Variants in ENOX1 observed in about 807,000 individuals in gnomAD.
The protein encoded by ENOX1 is candidate growth-related and time keeping constitutive hydroquinone (NADH) oxidase.
Under a neutral mutation model 82.5 loss-of-function variants are expected in ENOX1, and 42 were observed. The observed-to-expected ratio is 0.51, with a 90% confidence interval of 0.40 to 0.66. The LOEUF is 0.66. ENOX1 is among the 30% of genes least tolerant of loss of function. The pLI, the probability that ENOX1 is intolerant of heterozygous loss-of-function variation, is 0.00. For missense variants in ENOX1, 608 were observed against 811.6 expected, an observed-to-expected ratio of 0.75 and a Z score of 3.05; for synonymous variants, 271 against 282.2, an observed-to-expected ratio of 0.96 and a Z score of 0.40.
At chr13:43,753,838 A>C (rs1475050625) in intron 1 of ENOX1, among the ~76,000 whole-genome samples, 1 of 152,158 alleles carries the variant, frequency 6.6e-6, no homozygotes, top group Non-Finnish European at 1.5e-5. Flanking sequence ...GGGGCCTATT[A>C]AGAGTAATAC....
intron 1 of ENOX1, among the ~76,000 whole-genome samples, chr13:43,762,599 G>A (rs1951047187): frequency 6.6e-6 from 1 of 152,184 alleles, no homozygotes; most frequent in South Asian, 2.1e-4. Flanking sequence ...TCCAGTAAAT[G>A]TAAGCCAGTG....
At chr13:43,314,147 T>G (rs993553204) in intron 11 of ENOX1, among the ~76,000 whole-genome samples, 1 of 152,226 alleles carries the variant, frequency 6.6e-6, no homozygotes, top group African/African-American at 2.4e-5. Flanking sequence ...TCACACATTG[T>G]GTCCTGGAAC....
At chr13:43,493,130 TTCTC>T (rs147517109) in intron 2 of ENOX1, among the ~76,000 whole-genome samples, 3 of 149,584 alleles carry the variant, frequency 2.0e-5, no homozygotes, top group South Asian at 2.1e-4. Flanking sequence ...TATCTTAAGA[TTCTC>T]TCTCTCTCTC....
intron 2 of ENOX1, among the ~76,000 whole-genome samples, chr13:43,600,166 G>C (rs1469166075): frequency 6.6e-6 from 1 of 152,182 alleles, no homozygotes; most frequent in African/African-American, 2.4e-5. Context: ...AGGAGACTTT[G>C]TCTTACAGTT....
chr13:43,728,702 G>A (rs1024466267), intron 1 of ENOX1, among the ~76,000 whole-genome samples: 1 of 152,220 alleles, frequency 6.6e-6, no homozygotes, highest in Non-Finnish European at 1.5e-5. Flanking sequence ...AGATGCACTG[G>A]GAATTTCTAA....
intron 9 of ENOX1, among the ~76,000 whole-genome samples, chr13:43,332,234 G>A (rs1032626867): frequency 6.6e-6 from 1 of 152,124 alleles, no homozygotes; most frequent in African/African-American, 2.4e-5. Flanking sequence ...CAGGGGGTTG[G>A]GGATGGTTTG....
rs2054156727 is a variant in ENOX1, at chr13:43,411,968, C to T, written c.156G>A (p.Met52Ile). ...VTDPTAWATA[M>I]NNLGMVPVGL... is the part of the protein sequence containing the mutation. ...CTACGGGAACCATGCCCAGGTTATT[C>T]ATGGCTGTAGCCCAGGCTGTGGGAT... The change falls in exon 5 of 17, where the codon ATG becomes ATA. Residue 52 changes from methionine (M) to isoleucine (I), a missense_variant. Physicochemically the swap from Met to Ile is conservative, Grantham distance 10. Coordinates refer to ENST00000690772, the MANE Select transcript of ENOX1 (RefSeq NM_001347969.2). 6.2e-7 allele frequency: 1 copy of T among 1,614,082 alleles called. No individual in the cohort carries two copies. Among genetic ancestry groups the T allele is most frequent in the Admixed American group, 1.7e-5 (1 of 60,006 alleles).
chr13:43,284,458 T>C (rs2153493862), intron 12 of ENOX1, among the ~76,000 whole-genome samples: 1 of 152,258 alleles, frequency 6.6e-6, no homozygotes, highest in South Asian at 2.1e-4. Flanking sequence ...ATTCCAAAGC[T>C]GGCCAACGAA....
At chr13:43,549,982 G>T (rs1453468392) in intron 2 of ENOX1, among the ~76,000 whole-genome samples, 1 of 152,140 alleles carries the variant, frequency 6.6e-6, no homozygotes, top group East Asian at 1.9e-4. Context: ...GGCAGCAGGG[G>T]GATGGTTTTG....
chr13:43,506,239 T>C (rs1170983331), intron 2 of ENOX1, among the ~76,000 whole-genome samples: 1 of 151,924 alleles, frequency 6.6e-6, no homozygotes, highest in Non-Finnish European at 1.5e-5. Flanking sequence ...GAAAAAATGC[T>C]CATCATTACT....
chr13:43,255,335 A>T (rs1459694656), intron 14 of ENOX1, among the ~76,000 whole-genome samples: 1 of 152,154 alleles, frequency 6.6e-6, no homozygotes, highest in African/African-American at 2.4e-5. Flanking sequence ...AGTTAACATC[A>T]TACAAGATAG....
chr13:43,305,862 G>A (rs374512094), intron 11 of ENOX1, among the ~76,000 whole-genome samples: 402 of 152,294 alleles, frequency 2.6e-3, no homozygotes, highest in African/African-American at 9.0e-3. Flanking sequence ...AGAGTCCTCC[G>A]GGAAACACAT....
At chr13:43,219,750 C>T (rs1566264033) in intron 16 of ENOX1, among the ~76,000 whole-genome samples, 1 of 152,212 alleles carries the variant, frequency 6.6e-6, no homozygotes. Context: ...CCTCTAATCA[C>T]ATGTACAAAT....
At chr13:43,465,578 G>C (rs977495937) in intron 3 of ENOX1, among the ~76,000 whole-genome samples, 1 of 152,040 alleles carries the variant, frequency 6.6e-6, no homozygotes, top group Non-Finnish European at 1.5e-5. Context: ...CCACGGTCTG[G>C]GCACTGCATG....
intron 2 of ENOX1, among the ~76,000 whole-genome samples, chr13:43,543,648 T>C (rs1186766999): frequency 6.6e-6 from 1 of 150,938 alleles, no homozygotes; most frequent in Non-Finnish European, 1.5e-5. Context: ...TCTTTATTTC[T>C]GTTACCCATA....
At chr13:43,404,654 G>A (rs564298266) in intron 5 of ENOX1, among the ~76,000 whole-genome samples, 25 of 152,256 alleles carry the variant, frequency 1.6e-4, no homozygotes, top group African/African-American at 6.0e-4. Context: ...TTAGAGATAC[G>A]TGTTCTCCAT....
At chr13:43,630,668 G>A (rs2083166031) in intron 2 of ENOX1, among the ~76,000 whole-genome samples, 1 of 150,516 alleles carries the variant, frequency 6.6e-6, no homozygotes, top group South Asian at 2.1e-4. Flanking sequence ...AAAAAAAAAA[G>A]ATATGTAAAT....
chr13:43,496,179 A>AT (rs142907126), intron 2 of ENOX1, among the ~76,000 whole-genome samples: 33,325 of 151,656 alleles, frequency 0.22, 3,998 homozygotes, highest in Middle Eastern at 0.29. Context: ...TAGTTAACTG[A>AT]TTTTTTTCTA....
intron 1 of ENOX1, among the ~76,000 whole-genome samples, chr13:43,695,003 A>C (rs2086561997): frequency 6.6e-6 from 1 of 152,210 alleles, no homozygotes; most frequent in Non-Finnish European, 1.5e-5. Context: ...TTGCGACGAT[A>C]GAAAACACAA....
Sources: allele counts gnomAD v4.1 joint callset (sites outside exome capture counted in the v4.1 genomes callset), GRCh38; gene constraint gnomAD v4.1.1; transcripts MANE v1.5; gene names NCBI Gene and HGNC (gene_info 2026-07-23, HGNC 2026-07-21).